Variants in PLEKHH1 observed in about 807,000 individuals in gnomAD.
The protein encoded by PLEKHH1 is pleckstrin homology domain-containing family H member 1.
A neutral mutation model predicts 160.0 loss-of-function variants in PLEKHH1; 104 were observed. The ratio of observed to expected loss-of-function variants is 0.65; its 90% confidence interval spans 0.55 to 0.76. PLEKHH1 has a LOEUF of 0.76. Among genes scored for constraint, PLEKHH1 ranks in the 30% least tolerant of loss-of-function variants. The pLI, the probability that PLEKHH1 is intolerant of heterozygous loss-of-function variation, is 0.00. For missense variants in PLEKHH1, 1,427 were observed against 1,724.1 expected, an observed-to-expected ratio of 0.83 and a Z score of 3.05; for synonymous variants, 619 against 678.4, an observed-to-expected ratio of 0.91 and a Z score of 1.36.
In PLEKHH1 at chr14:67,562,381, A is replaced by G; in HGVS notation, c.750A>G (p.Val250=). 1 of 1,613,560 alleles carries G rather than the reference A, an allele frequency of 6.2e-7. No homozygotes were observed. The highest frequency in any genetic ancestry group is 8.5e-7 in the Non-Finnish European group (1 of 1,179,556). ...GCACGGTCCATTCTGGGGAAACAGT[A>G]GAGGCCAAGCCCCTTCAACCTCATC... ...SSSTVHSGET[V]EAKPLQPHLG... The change falls in exon 7 of 29, where the codon GTA becomes GTG. Residue 250 remains valine (V), a synonymous_variant. Coordinates refer to ENST00000329153, the MANE Select transcript of PLEKHH1 (RefSeq NM_020715.3).
rs774706632 is a variant in PLEKHH1, at chr14:67,582,184, C to G, written c.3400C>G (p.Leu1134Val). The G allele has an allele frequency of 6.2e-7, 1 of 1,613,512 alleles. No homozygotes were observed. The highest frequency in any genetic ancestry group is 1.3e-5 in the African/African-American group (1 of 74,884). ...GTTTCCTATCAACAAGGAATTGGCT[C>G]TTGAGATGGCTGCCCTGATGGCCCA... ...GRFPINKELA[L>V]EMAALMAQVE... The change falls in exon 24 of 29, where the codon CTT becomes GTT. Residue 1134 changes from leucine (L) to valine (V), a missense_variant. Around this residue, in one of 6 missense-constraint regions of PLEKHH1, gnomAD observed 436 missense variants for 607.5 expected, o/e 0.72. Coordinates refer to ENST00000329153, the MANE Select transcript of PLEKHH1 (RefSeq NM_020715.3). The surrounding 1 kb of genome is among the most constrained non-coding windows in gnomAD (Gnocchi z 5.0).
At chr14:67,558,768 C>A (rs540551743) in intron 4 of PLEKHH1, among the ~76,000 whole-genome samples, 1 of 152,236 alleles carries the variant, frequency 6.6e-6, no homozygotes, top group African/African-American at 2.4e-5. Context: ...CAAACCAGGT[C>A]AGGGTTGGCC....
chr14:67,554,873 G>GAGT (rs2034532476), intron 2 of PLEKHH1, among the ~76,000 whole-genome samples: 1 of 152,158 alleles, frequency 6.6e-6, no homozygotes, highest in South Asian at 2.1e-4. Flanking sequence ...CCTCAGCCTT[G>GAGT]AGTGACATGC....
At chr14:67,586,323 T>A (rs1289200613) in intron 28 of PLEKHH1, 1 of 1,327,532 alleles carries the variant, frequency 7.5e-7, no homozygotes, top group South Asian at 1.2e-5. Context: ...AACTCTGGCC[T>A]AGCTACTATT....
chr14:67,551,037 A>T (rs756508122), intron 2 of PLEKHH1, among the ~76,000 whole-genome samples: 1 of 152,210 alleles, frequency 6.6e-6, no homozygotes, highest in Non-Finnish European at 1.5e-5. Context: ...ATGTATATAC[A>T]CACAGCCCTA....
chr14:67,568,125 A>G (rs1442789840), intron 7 of PLEKHH1, among the ~76,000 whole-genome samples: 1 of 152,178 alleles, frequency 6.6e-6, no homozygotes, highest in Non-Finnish European at 1.5e-5. Flanking sequence ...GCAGGGGAAA[A>G]AACGTGCCCT....
intron 7 of PLEKHH1, among the ~76,000 whole-genome samples, chr14:67,564,692 C>CTT (rs761508671): frequency 2.9e-5 from 4 of 136,756 alleles, no homozygotes; most frequent in African/African-American, 5.4e-5. Context: ...TTTTCTTTTC[C>CTT]TTTTTTTTTT....
At chr14:67,544,085 T>C (rs1019532381) in intron 2 of PLEKHH1, among the ~76,000 whole-genome samples, 51 of 152,174 alleles carry the variant, frequency 3.4e-4, no homozygotes, top group African/African-American at 1.2e-3. Flanking sequence ...AGGACTATTA[T>C]TTCTTTTGAT....
rs2035526850 is a variant in PLEKHH1 at position 67,574,360 on chromosome 14, T to C, written c.2045T>C (p.Leu682Pro). The change falls in exon 14 of 29, where the codon CTT becomes CCT. Residue 682 changes from leucine (L) to proline (P), a missense_variant. Leu to Pro is a moderately conservative substitution (Grantham distance 98). Coordinates refer to ENST00000329153, the MANE Select transcript of PLEKHH1 (RefSeq NM_020715.3). This position sits in a 1 kb window ranked among gnomAD's most constrained non-coding sequence, Gnocchi z 4.2. ...KVQATGPPAL[L>P]RGGTKPTVKG... is the part of the protein sequence containing the mutation. The stretch of plus-strand genomic sequence containing the variant: ...CAGGCCACCGGGCCTCCAGCTCTGC[T>C]TCGGGGTGGCACCAAGCCCACCGTG... The C allele has an allele frequency of 1.3e-6, 2 of 1,593,982 alleles. No individual in the cohort carries two copies. The highest frequency in any genetic ancestry group is 1.3e-5 in the African/African-American group (1 of 74,546).
chr14:67,571,686 G>T, intron 9 of PLEKHH1, 66 bp from the exon 10 acceptor site: 2 of 1,546,450 alleles, frequency 1.3e-6, no homozygotes, highest in South Asian at 2.2e-5. Flanking sequence ...AGGAGTGCAA[G>T]CTGCAGGGTT....
In PLEKHH1 at chr14:67,561,993, C is replaced by T. The variant is rs761078447; in HGVS notation, c.463C>T (p.Arg155Cys). ...ENQHLKSHNQ[R>C]LVEQVGSLQD... is the part of the protein sequence containing the mutation. ...TCAGCATCTGAAAAGCCATAATCAG[C>T]GCCTGGTGGAGCAGGTGGGATCCCT... Residue 155 changes from arginine to cysteine, a missense_variant, in exon 6 of 29, where the codon CGC becomes TGC. This residue lies in a region of PLEKHH1 where 831 missense variants were observed against 929.2 expected (regional missense o/e 0.89). Coordinates refer to ENST00000329153, the MANE Select transcript of PLEKHH1 (RefSeq NM_020715.3). 17 of 1,613,800 alleles carry T rather than the reference C, an allele frequency of 1.1e-5. No individual in the cohort carries two copies. Among genetic ancestry groups the T allele is most frequent in the South Asian group, 6.6e-5 (6 of 91,074 alleles).
chr14:67,556,581 C>T (rs1466152051), intron 3 of PLEKHH1, among the ~76,000 whole-genome samples: 2 of 152,196 alleles, frequency 1.3e-5, no homozygotes, highest in Admixed American at 6.5e-5. Flanking sequence ...ACCCACCCTG[C>T]ACCAGCTTTT....
At chr14:67,560,068 C>T (rs1024079609) in intron 5 of PLEKHH1, among the ~76,000 whole-genome samples, 1 of 152,100 alleles carries the variant, frequency 6.6e-6, no homozygotes, top group Non-Finnish European at 1.5e-5. Context: ...GCTCTCTCGC[C>T]CAGGCTGGAG....
chr14:67,559,330 T>C (rs2034726353), intron 4 of PLEKHH1, among the ~76,000 whole-genome samples: 1 of 152,222 alleles, frequency 6.6e-6, no homozygotes, highest in Admixed American at 6.5e-5. Context: ...ACTATTAACT[T>C]TGCTTGCATA....
At chr14:67,539,354 T>A (rs887381999) in intron 1 of PLEKHH1, among the ~76,000 whole-genome samples, 12 of 152,204 alleles carry the variant, frequency 7.9e-5, no homozygotes, top group African/African-American at 2.9e-4. Flanking sequence ...GAGGTCACAA[T>A]GCAGGGATTG....
At chr14:67,560,258 C>T (rs2034777770) in intron 5 of PLEKHH1, among the ~76,000 whole-genome samples, 1 of 152,168 alleles carries the variant, frequency 6.6e-6, no homozygotes, top group Non-Finnish European at 1.5e-5. Flanking sequence ...AACTCCTGAC[C>T]TCAGGTGATT....
Position 67,574,293 on chromosome 14 carries a change from C to G in PLEKHH1, c.1978C>G (p.Leu660Val), listed in dbSNP as rs751959260. 2.5e-6 allele frequency: 4 copies of G among 1,608,624 alleles called. No homozygotes were observed. The South Asian group carries it at 3.3e-5, about 13-fold the overall frequency. ...YYLTADSPSL[L>V]EEWIRVLQSL... ...CCTGACGGCCGATTCACCCAGCCTGCTGGAGGAGTGGATCCGAGTACTCCA... is the reference window on the plus strand; with the variant it reads ...CCTGACGGCCGATTCACCCAGCCTGGTGGAGGAGTGGATCCGAGTACTCCA... Residue 660 changes from leucine to valine, a missense_variant, in exon 14 of 29, where the codon CTG (leucine) becomes GTG (valine). Transcript: ENST00000329153. The surrounding 1 kb of genome is among the most constrained non-coding windows in gnomAD (Gnocchi z 4.2).
Position 67,573,208 on chromosome 14 carries a change from G to C in PLEKHH1, c.1729-68G>C, listed in dbSNP as rs561522101. ...AGTAGTGAGGCAGCTGGACCACTTG[G>C]ACCTGTGTGATGTCTAGGAGCCCTG... On this transcript the variant is annotated intron_variant, in intron 11 of 28. Coordinates refer to ENST00000329153, the MANE Select transcript of PLEKHH1 (RefSeq NM_020715.3). This position sits in a 1 kb window ranked among gnomAD's most constrained non-coding sequence, Gnocchi z 4.8. 1.1e-6 allele frequency: 1 copy of C among 951,110 alleles called. No individual in the cohort carries two copies. Among genetic ancestry groups the C allele is most frequent in the South Asian group, 1.3e-5 (1 of 76,124 alleles). The allele number at this position is 951,110 out of a possible 1,614,324, so 58.9% of individuals were successfully genotyped here. A position where few individuals can be genotyped will look rare whatever the true frequency, so the allele number is the denominator to read the frequency against.
At chr14:67,555,399 T>C (rs2034552467) in intron 2 of PLEKHH1, among the ~76,000 whole-genome samples, 1 of 152,198 alleles carries the variant, frequency 6.6e-6, no homozygotes, top group Non-Finnish European at 1.5e-5. Flanking sequence ...AGAAGTGTTT[T>C]CTATCGATGA....
Sources: gnomAD v4.1 joint callset for allele counts (sites outside exome capture counted in the v4.1 genomes callset) on GRCh38, gnomAD v4.1.1 for gene constraint, gnomAD v4.1.1 regional missense constraint, Gnocchi (gnomAD v3.1) non-coding constraint, MANE v1.5 for transcripts, NCBI Gene and HGNC (gene_info 2026-07-23, HGNC 2026-07-21) for gene names.